Variants in VARS2 observed in about 807,000 individuals in gnomAD.
The protein encoded by VARS2 is valyl-tRNA synthetase 2, mitochondrial.
VARS2 carries 105 observed loss-of-function variants against 154.1 expected under a neutral mutation model. The observed-to-expected ratio is 0.68, with a 90% CI of 0.58 to 0.80. The LOEUF (loss-of-function observed/expected upper bound fraction) is 0.80. VARS2 is among the 30% of genes least tolerant of loss of function. The probability of loss-of-function intolerance (pLI) is 0.00; values close to 1 mark genes in which losing one functional copy is unlikely to be tolerated. For missense variants in VARS2, 1,157 were observed against 1,361.4 expected (o/e 0.85, Z 2.36); for synonymous variants, 483 against 539.5 (o/e 0.90, Z 1.45).
rs1794171770 is a variant in VARS2, at chr6:30,916,399, TG to T, written c.671+152del. ...GGAAGCTCTGGAGCCTGTTAACATT[TG>T]GTGGAGTTTCTAAGCCTTATGTGTG... On this transcript the variant is annotated intron_variant, in intron 7 of 29. Transcript: ENST00000676266. This position sits in a 1 kb window ranked among gnomAD's most constrained non-coding sequence, Gnocchi z 4.0. 4 of 663,054 alleles carry T rather than the reference TG, an allele frequency of 6.0e-6. No individual in the cohort carries two copies. The highest frequency in any genetic ancestry group is 1.0e-5 in the Non-Finnish European group (4 of 392,786). 41.1% of individuals were successfully genotyped at this position (663,054 alleles called of 1,614,324 possible).
chr6:30,922,985 G>A lies in VARS2; in HGVS notation c.2185+9G>A, dbSNP rs777153081. ...CTCCCATGGAGTTCAGGGTAAGCCT[G>A]GGCGAGGGGTGTCGGGGTGAGCAGA... On this transcript the variant is annotated intron_variant, in intron 23 of 29. Transcript: ENST00000676266. 6.2e-7 allele frequency: 1 copy of A among 1,607,628 alleles called. No homozygotes were observed. Among genetic ancestry groups the A allele is most frequent in the South Asian group, 1.1e-5 (1 of 90,508 alleles).
rs1335425835 is a variant in VARS2, at chr6:30,922,916, G to A, written c.2125G>A (p.Gly709Arg). 2 of 1,607,992 alleles carry A rather than the reference G, an allele frequency of 1.2e-6. No homozygotes were observed. The highest frequency in any genetic ancestry group is 1.3e-5 in the African/African-American group (1 of 74,918). Residue 709 changes from glycine to arginine, a missense_variant, in exon 23 of 30, where the codon GGG becomes AGG. Coordinates refer to ENST00000676266, the MANE Select transcript of VARS2 (RefSeq NM_020442.6). ...AAAQKKDFPH[G>R]IPECGTDALR... ...GTTGCAGAAAAAGGACTTTCCTCAC[G>A]GGATCCCTGAGTGTGGGACAGATGC...
rs757215807 is a variant in VARS2 at position 30,914,958 on chromosome 6, G to A, written c.122G>A (p.Arg41Gln). 2 of 1,613,048 alleles carry A rather than the reference G, an allele frequency of 1.2e-6. No individual in the cohort carries two copies. Among genetic ancestry groups the A allele is most frequent in the South Asian group, 2.2e-5 (2 of 91,086 alleles). Residue 41 changes from arginine (R) to glutamine (Q), a missense_variant, in exon 2 of 30, where the codon CGG (arginine) becomes CAG (glutamine). Arg to Gln is a conservative substitution (Grantham distance 43). Transcript: ENST00000676266. Reference sequence around the variant, plus strand: ...GAGCCCCATGGATCTCCCATCTCCCGGAGGAACCGTGAAGCCAAACAGAAG... The same window carrying A: ...GAGCCCCATGGATCTCCCATCTCCCAGAGGAACCGTGAAGCCAAACAGAAG... ...QSEPHGSPIS[R>Q]RNREAKQKRL...
Position 30,916,872 on chromosome 6 carries a change from G to A in VARS2, c.672-6G>A, listed in dbSNP as rs1307126256. 1 of 1,613,968 alleles carries A rather than the reference G, an allele frequency of 6.2e-7. No individual in the cohort carries two copies. The highest frequency in any genetic ancestry group is 1.3e-5 in the African/African-American group (1 of 74,916). ...TGTTTGCTGACAAGGATCTCTCTGG[G>A]CACAGGAAAGGTGGAGAGATCTGTG... On this transcript the variant is annotated splice_polypyrimidine_tract_variant and splice_region_variant and intron_variant, in intron 7 of 29. Coordinates refer to ENST00000676266, the MANE Select transcript of VARS2 (RefSeq NM_020442.6). This position sits in a 1 kb window ranked among gnomAD's most constrained non-coding sequence, Gnocchi z 4.0.
chr6:30,918,644 C>T, intron 10 of VARS2, 183 bp from the exon 11 acceptor site: 1 of 650,490 alleles, frequency 1.5e-6, no homozygotes, highest in South Asian at 2.0e-5. Context: ...TGGTCATCAG[C>T]TTATGGGAAA....
rs774811075 is a variant in VARS2, at chr6:30,926,010, T to A, written c.3090+2T>A. 30 of 1,612,828 alleles carry A rather than the reference T, an allele frequency of 1.9e-5. No homozygotes were observed. Among genetic ancestry groups the A allele is most frequent in the Non-Finnish European group, 2.5e-5 (29 of 1,179,980 alleles). ...GCAGGGACTCAGAGGCAACAAAAGGTAAGGCTGAGGGAGGCCCCCAGAAGG... is the reference window on the plus strand; with the variant it reads ...GCAGGGACTCAGAGGCAACAAAAGGAAAGGCTGAGGGAGGCCCCCAGAAGG... On this transcript the variant is annotated splice_donor_variant, in intron 29 of 29. Transcript: ENST00000676266. LOFTEE classifies it high-confidence loss of function.
At chr6:30,924,598 A>G (rs1794729759) in intron 26 of VARS2, 38 bp downstream of exon 26, 3 of 1,177,480 alleles carry the variant, frequency 2.5e-6, no homozygotes, top group African/African-American at 1.5e-5. Context: ...CTGTGGGTGA[A>G]TGGGGGGGAG....
chr6:30,924,534 GC>G lies in VARS2; in HGVS notation c.2652del (p.Tyr885ThrfsTer29). 1 of 1,567,258 alleles carries G rather than the reference GC, an allele frequency of 6.4e-7. No homozygotes were observed. ...GCPPAPSISV[A>X]PYPSACSLEH... is the part of the protein sequence containing the mutation. ...CCCCCCTGCCCCCAGCATCTCGGTT[GC>G]CCCCTACCCCAGCGCCTGCAGCTTG... is the stretch of plus-strand genomic sequence containing the variant. On this transcript the variant is annotated frameshift_variant, in exon 26 of 30. Coordinates refer to ENST00000676266, the MANE Select transcript of VARS2 (RefSeq NM_020442.6). LOFTEE classifies it high-confidence loss of function.
At position 30,922,732 on chromosome 6, in the gene VARS2, A is replaced by G; in HGVS notation, c.2064A>G (p.Gly688=). Residue 688 remains glycine, a synonymous_variant, in exon 22 of 30, where the codon GGA becomes GGG. Coordinates refer to ENST00000676266, the MANE Select transcript of VARS2 (RefSeq NM_020442.6). ...MQVLQEKLRS[G]NLDPAELAIV... ...TGCTGCAGGAAAAGCTGAGAAGCGG[A>G]AATTTGGACCCTGCAGAGCTGGCCA... 2 of 1,612,730 alleles carry G rather than the reference A, an allele frequency of 1.2e-6. No individual in the cohort carries two copies. The highest frequency in any genetic ancestry group is 1.7e-6 in the Non-Finnish European group (2 of 1,179,888).
intron 1 of VARS2, 195 bp from the exon 2 acceptor site, chr6:30,914,615 C>T: frequency 8.6e-7 from 1 of 1,159,826 alleles, no homozygotes; most frequent in Non-Finnish European, 1.2e-6. Flanking sequence ...TCCGGAAGAG[C>T]CCTGATATCC....
At chr6:30,915,579 A>G in intron 4 of VARS2, 124 bp downstream of exon 4, 1 of 1,446,414 alleles carries the variant, frequency 6.9e-7, no homozygotes, top group Non-Finnish European at 9.4e-7. Context: ...TGGTGTCTCC[A>G]AAGATTTCTC....
rs375314206 is a variant in VARS2, at chr6:30,921,178, G to A, written c.1556+37G>A. ...GTAAGGGGAGCTCTTGTGGAGATGG[G>A]GAGGGGGGACTGACTGGTTATTCTA... On this transcript the variant is annotated intron_variant, in intron 16 of 29. Transcript: ENST00000676266. The surrounding 1 kb of genome is among the most constrained non-coding windows in gnomAD (Gnocchi z 4.6). 3 of 1,613,822 alleles carry A rather than the reference G, an allele frequency of 1.9e-6. No individual in the cohort carries two copies. The African/African-American group carries it at 4.0e-5, about 22-fold the overall frequency.
chr6:30,919,897 A>AG lies in VARS2; in HGVS notation c.1165+53dup. The AG allele has an allele frequency of 6.6e-7, 1 of 1,507,834 alleles. No individual in the cohort carries two copies. Among genetic ancestry groups the AG allele is most frequent in the East Asian group, 2.4e-5 (1 of 42,354 alleles). The allele number at this position is 1,507,834 out of a possible 1,614,324, so 93.4% of individuals were successfully genotyped here. On this transcript the variant is annotated intron_variant, in intron 12 of 29. Transcript: ENST00000676266. The surrounding 1 kb of genome is among the most constrained non-coding windows in gnomAD (Gnocchi z 4.5). ...GAGAAAGTTGGGGGTCCTGGAGGAG[A>AG]GGGGAGGGAACCAGGAGGAAGAGGA...
chr6:30,923,866 C>T (rs1197971608), intron 25 of VARS2: 1 of 375,816 alleles, frequency 2.7e-6, no homozygotes, highest in African/African-American at 2.1e-5. Context: ...GGTCTTTAGA[C>T]CAGGGGTTCT....
Position 30,916,805 on chromosome 6 carries a change from G to A in VARS2, c.672-73G>A. The A allele has an allele frequency of 6.8e-7, 1 of 1,476,282 alleles. No homozygotes were observed. The highest frequency in any genetic ancestry group is 9.5e-7 in the Non-Finnish European group (1 of 1,055,236). 91.4% of individuals were successfully genotyped at this position (1,476,282 alleles called of 1,614,324 possible). A position where few individuals can be genotyped will look rare whatever the true frequency, so the allele number is the denominator to read the frequency against. On this transcript the variant is annotated intron_variant, in intron 7 of 29. Coordinates refer to ENST00000676266, the MANE Select transcript of VARS2 (RefSeq NM_020442.6). The surrounding 1 kb of genome is among the most constrained non-coding windows in gnomAD (Gnocchi z 4.0). ...TTTTCCTCCAACACCTGGCATTGCT[G>A]GGGGCATCGCTGGGCCTGGTACATA...
chr6:30,917,335 C>T lies in VARS2; in HGVS notation c.873+111C>T. 2 of 1,540,334 alleles carry T rather than the reference C, an allele frequency of 1.3e-6. No homozygotes were observed. The highest frequency in any genetic ancestry group is 1.2e-5 in the South Asian group (1 of 86,802). On this transcript the variant is annotated intron_variant, in intron 9 of 29. Transcript: ENST00000676266. This position sits in a 1 kb window ranked among gnomAD's most constrained non-coding sequence, Gnocchi z 4.4. The stretch of plus-strand genomic sequence containing the variant: ...GCCTGGATTCAAATCTGATGCCTGC[C>T]TGTTACAGCTGTGTGGCTTTTGGCA...
Position 30,917,743 on chromosome 6 carries a change from T to A in VARS2, c.922T>A (p.Cys308Ser). The change falls in exon 10 of 30, where the codon TGC becomes AGC. Residue 308 changes from cysteine (C) to serine (S), a missense_variant. Coordinates refer to ENST00000676266, the MANE Select transcript of VARS2 (RefSeq NM_020442.6). The surrounding 1 kb of genome is among the most constrained non-coding windows in gnomAD (Gnocchi z 4.4). ...CCACACACAGCTTCGACTGCCTGGCTGCCCCACCCCCGTGTCTTTTGGCCT... is the reference window on the plus strand; with the variant it reads ...CCACACACAGCTTCGACTGCCTGGCAGCCCCACCCCCGTGTCTTTTGGCCT... ...PGHTQLRLPG[C>S]PTPVSFGLLF... The A allele has an allele frequency of 6.4e-7, 1 of 1,568,766 alleles. No individual in the cohort carries two copies. The highest frequency in any genetic ancestry group is 8.6e-7 in the Non-Finnish European group (1 of 1,156,306).
At chr6:30,923,065 G>A (rs1562460311) in intron 23 of VARS2, 39 bp from the exon 24 acceptor site, 2 of 1,610,028 alleles carry the variant, frequency 1.2e-6, no homozygotes, top group Non-Finnish European at 1.7e-6. Context: ...TGGTGCTGCT[G>A]CCACCTACAT....
chr6:30,920,698 G>A lies in VARS2; in HGVS notation c.1428G>A (p.Leu476=). Residue 476 remains leucine (L), a synonymous_variant, in exon 15 of 30, where the codon CTG becomes CTA. Coordinates refer to ENST00000676266, the MANE Select transcript of VARS2 (RefSeq NM_020442.6). This position sits in a 1 kb window ranked among gnomAD's most constrained non-coding sequence, Gnocchi z 4.6. ...CTGGGGATGTGATAGAATACCTGCT[G>A]AAGAACCAGTGGTTTGTCCGCTGCC... is the stretch of plus-strand genomic sequence containing the variant. ...SRSGDVIEYL[L]KNQWFVRCQE... is the part of the protein sequence containing the mutation. 6.2e-7 allele frequency: 1 copy of A among 1,602,404 alleles called. No homozygotes were observed. Among genetic ancestry groups the A allele is most frequent in the South Asian group, 1.1e-5 (1 of 88,778 alleles).
Sources: gnomAD v4.1 joint callset for allele counts on GRCh38, gnomAD v4.1.1 for gene constraint, Gnocchi (gnomAD v3.1) non-coding constraint, MANE v1.5 for transcripts, NCBI Gene and HGNC (gene_info 2026-07-23, HGNC 2026-07-21) for gene names.